PROKR2: variants seen among roughly 807,000 people sequenced by gnomAD.
The protein encoded by PROKR2 is prokineticin receptor 2.
Under a neutral mutation model 23.4 loss-of-function variants are expected in PROKR2, and 26 were observed. The ratio of observed to expected loss-of-function variants is 1.11; its 90% CI spans 0.81 to 1.54. The LOEUF (loss-of-function observed/expected upper bound fraction) is 1.54. PROKR2 is among the 40% of genes most tolerant of loss of function. The pLI, the probability that PROKR2 is intolerant of heterozygous loss-of-function variation, is 0.00. For synonymous variants in PROKR2, 212 were observed against 201.2 expected, an observed-to-expected ratio of 1.05 and a Z score of -0.45; for missense variants, 453 against 511.5, an observed-to-expected ratio of 0.89 and a Z score of 1.10.
At chr20:5,304,972 G>C (rs1979164256) in intron 2 of PROKR2, among the ~76,000 whole-genome samples, 1 of 152,126 alleles carries the variant, frequency 6.6e-6, no homozygotes, top group African/African-American at 2.4e-5. Context: ...AGTGGATAAA[G>C]GAAATACTCT....
rs755562438 is a variant in PROKR2, at chr20:5,302,191, G to T, written c.1004C>A (p.Thr335Lys). 6.2e-7 allele frequency: 1 copy of T among 1,614,194 alleles called. No individual in the cohort carries two copies. Among genetic ancestry groups the T allele is most frequent in the South Asian group, 1.1e-5 (1 of 91,084 alleles). The change falls in exon 3 of 3, where the codon ACG (threonine) becomes AAG (lysine). Residue 335 changes from threonine (T) to lysine (K), a missense_variant. Thr to Lys is a moderately conservative substitution (Grantham distance 78). Coordinates refer to ENST00000678254, the MANE Select transcript of PROKR2 (RefSeq NM_144773.4). ...GTACTTCATGGTGTTGTTCTTGACCGTCACGAAGCACACGGTGTTGATCAT... is the reference window on the plus strand; with the variant it reads ...GTACTTCATGGTGTTGTTCTTGACCTTCACGAAGCACACGGTGTTGATCAT... The part of the protein sequence containing the change: ...NSMINTVCFV[T>K]VKNNTMKYFK...
Position 5,302,535 on chromosome 20 carries a change from G to A in PROKR2, c.660C>T (p.Tyr220=). 1.2e-6 allele frequency: 2 copies of A among 1,614,250 alleles called. No individual in the cohort carries two copies. The highest frequency in any genetic ancestry group is 8.5e-7 in the Non-Finnish European group (1 of 1,180,046). Residue 220 remains tyrosine, a synonymous_variant, in exon 3 of 3, where the codon TAC becomes TAT. Transcript: ENST00000678254. ...CAAAGATGAAGAGGAAGTAGGACTT[G>A]TAGTAGAGCTGCTGATCCACAGGCC... ...QIWPVDQQLY[Y]KSYFLFIFGV... is the part of the protein sequence containing the mutation.
At position 5,316,527 on chromosome 20, in the gene PROKR2, G is replaced by C. The variant is rs1979682867; in HGVS notation, c.-42C>G. The C allele has an allele frequency of 2.8e-6, 1 of 361,420 alleles. No homozygotes were observed. Among genetic ancestry groups the C allele is most frequent in the Non-Finnish European group, 5.5e-6 (1 of 180,578 alleles). 22.4% of individuals were successfully genotyped at this position (361,420 alleles called of 1,614,324 possible). The stretch of plus-strand genomic sequence containing the variant: ...GCGCCTCCTTTCTGTGCGCTCTGCT[G>C]CTCCGGAAGCCGGATCGAGAGTCAC... On this transcript the variant is annotated 5_prime_UTR_variant, in exon 1 of 3. Transcript: ENST00000678254. This position sits in a 1 kb window ranked among gnomAD's most constrained non-coding sequence, Gnocchi z 5.0.
At chr20:5,314,634 C>A (rs148447056) in intron 1 of PROKR2, among the ~76,000 whole-genome samples, 1 of 152,216 alleles carries the variant, frequency 6.6e-6, no homozygotes, top group Non-Finnish European at 1.5e-5. Context: ...GAGAGGAGAC[C>A]TGAGATCTGT....
rs769696958 is a variant in PROKR2 at position 5,314,060 on chromosome 20, T to C, written c.310A>G (p.Ile104Val). ...TCCATCTCGAAGGGGCAGCAGATGA[T>C]GGCCACCAGGAAGTCGGAGATGGCC... The part of the protein sequence containing the change: ...NLAISDFLVA[I>V]ICCPFEMDYY... The change falls in exon 2 of 3, where the codon ATC (isoleucine) becomes GTC (valine). Residue 104 changes from isoleucine to valine, a missense_variant. Physicochemically the swap from Ile to Val is conservative, Grantham distance 29. Coordinates refer to ENST00000678254, the MANE Select transcript of PROKR2 (RefSeq NM_144773.4). 6.2e-7 allele frequency: 1 copy of C among 1,614,184 alleles called. No individual in the cohort carries two copies. Among genetic ancestry groups the C allele is most frequent in the Admixed American group, 1.7e-5 (1 of 60,026 alleles).
chr20:5,316,091 G>T lies in PROKR2; in HGVS notation c.-9+403C>A, dbSNP rs140035160. The stretch of plus-strand genomic sequence containing the variant: ...AGAAGCAAAGGCTGCGGTGCCTCCT[G>T]GCTGGAAGAAAACGGCGGGTGGGTG... On this transcript the variant is annotated intron_variant, in intron 1 of 2. Transcript: ENST00000678254. The surrounding 1 kb of genome is among the most constrained non-coding windows in gnomAD (Gnocchi z 5.0). 2.9e-3 allele frequency: 1,337 copies of T among 456,734 alleles called. 8 individuals carry two copies. Among genetic ancestry groups the T allele is most frequent in the Non-Finnish European group, 4.8e-3 (1,085 of 226,968 alleles). 28.3% of individuals were successfully genotyped at this position (456,734 alleles called of 1,614,324 possible).
At chr20:5,303,878 A>T (rs1979109360) in intron 2 of PROKR2, among the ~76,000 whole-genome samples, 9 of 152,158 alleles carry the variant, frequency 5.9e-5, no homozygotes. Context: ...CTGGCCATAA[A>T]CTGGCGTCAG....
chr20:5,311,833 A>T (rs6053293), intron 2 of PROKR2, among the ~76,000 whole-genome samples: 1,953 of 152,290 alleles, frequency 0.013, 46 homozygotes, highest in African/African-American at 0.044. Context: ...TTGGACTTCA[A>T]GTTCTTCAGT....
chr20:5,305,588 A>G (rs1276406317), intron 2 of PROKR2, among the ~76,000 whole-genome samples: 1 of 152,232 alleles, frequency 6.6e-6, no homozygotes, highest in Admixed American at 6.5e-5. Context: ...AATTAAATGA[A>G]CAGGAGGATT....
In PROKR2 at chr20:5,301,030, AT is replaced by A. The variant is rs201374311; in HGVS notation, c.*1009del. On this transcript the variant is annotated 3_prime_UTR_variant, in exon 3 of 3. Coordinates refer to ENST00000678254, the MANE Select transcript of PROKR2 (RefSeq NM_144773.4). ...ACATAAGGCTGGGCTGACTATAAGA[AT>A]TTTTTTTTTCTTGAAGCCAAAATCC... is the stretch of plus-strand genomic sequence containing the variant. Among the ~76,000 whole-genome samples, 8 of 150,918 alleles carry A rather than the reference AT, an allele frequency of 5.3e-5. No homozygotes were observed. The highest frequency in any genetic ancestry group is 7.3e-5 in the African/African-American group (3 of 41,072).
Position 5,301,160 on chromosome 20 carries a change from C to T in PROKR2, c.*880G>A, listed in dbSNP as rs1235304272. On this transcript the variant is annotated 3_prime_UTR_variant, in exon 3 of 3. Coordinates refer to ENST00000678254, the MANE Select transcript of PROKR2 (RefSeq NM_144773.4). The stretch of plus-strand genomic sequence containing the variant: ...GTAAACCACGCACTGACAAACTTAT[C>T]GTTACATTTCCATTGTGTCTAAGAG... Among the ~76,000 whole-genome samples, 1 of 152,124 alleles carries T rather than the reference C, an allele frequency of 6.6e-6. No homozygotes were observed. The highest frequency in any genetic ancestry group is 6.5e-5 in the Admixed American group (1 of 15,274).
rs769594711 is a variant in PROKR2, at chr20:5,302,141, A to T, written c.1054T>A (p.Trp352Arg). The change falls in exon 3 of 3, where the codon TGG becomes AGG. Residue 352 changes from tryptophan to arginine, a missense_variant. By Grantham distance (101) the Trp-to-Arg change is moderately radical. Coordinates refer to ENST00000678254, the MANE Select transcript of PROKR2 (RefSeq NM_144773.4). ...KYFKKMMLLH[W>R]RPSQRGSKSS... The stretch of plus-strand genomic sequence containing the variant: ...TTGCTCCCCCGCTGGGAGGGACGCC[A>T]GTGCAGCAGCATCATCTTCTTGAAG... The T allele has an allele frequency of 6.2e-7, 1 of 1,614,242 alleles. No individual in the cohort carries two copies. The highest frequency in any genetic ancestry group is 2.2e-5 in the East Asian group (1 of 44,890).
chr20:5,304,204 G>T (rs902479440), intron 2 of PROKR2, among the ~76,000 whole-genome samples: 5 of 152,152 alleles, frequency 3.3e-5, no homozygotes, highest in African/African-American at 1.2e-4. Flanking sequence ...CAGGAATTCA[G>T]CAACCTAGAT....
At position 5,299,476 on chromosome 20, in the gene PROKR2, T is replaced by C. The variant is rs1452471160; in HGVS notation, c.*2564A>G. ...AATAAATAAAAATACAATTATTATA[T>C]TTATAGAAATGTACATAACCTAAAA... On this transcript the variant is annotated 3_prime_UTR_variant, in exon 3 of 3. Transcript: ENST00000678254. Among the ~76,000 whole-genome samples, 1 of 151,546 alleles carries C rather than the reference T, an allele frequency of 6.6e-6. No individual in the cohort carries two copies. The highest frequency in any genetic ancestry group is 1.5e-5 in the Non-Finnish European group (1 of 67,924).
At chr20:5,310,015 T>C (rs1400010299) in intron 2 of PROKR2, among the ~76,000 whole-genome samples, 2 of 152,222 alleles carry the variant, frequency 1.3e-5, no homozygotes, top group East Asian at 3.9e-4. Flanking sequence ...AACTGTGTAC[T>C]TGGATAAATC....
At chr20:5,307,095 C>T (rs1020532407) in intron 2 of PROKR2, among the ~76,000 whole-genome samples, 7 of 151,678 alleles carry the variant, frequency 4.6e-5, no homozygotes, top group Admixed American at 2.0e-4. Context: ...AGGAGGATCC[C>T]GAGGACCCCC....
intron 2 of PROKR2, among the ~76,000 whole-genome samples, chr20:5,303,435 T>G (rs971747456): frequency 4.6e-5 from 7 of 152,190 alleles, no homozygotes; most frequent in Admixed American, 4.6e-4. Flanking sequence ...GCTCACATCA[T>G]GCAGGGACCA....
intron 2 of PROKR2, among the ~76,000 whole-genome samples, chr20:5,310,560 A>G (rs1198077992): frequency 2.0e-5 from 2 of 99,034 alleles, no homozygotes; most frequent in African/African-American, 8.7e-5. Flanking sequence ...ATTTTTTTCA[A>G]TTAGTTTAGA....
At chr20:5,313,854 A>C (rs1979536114) in intron 2 of PROKR2, 58 bp downstream of exon 2, 3 of 1,425,094 alleles carry the variant, frequency 2.1e-6, no homozygotes, top group Non-Finnish European at 3.0e-6. Flanking sequence ...TCAGAGCCTA[A>C]ATGAGGAAAG....
Sources: allele counts gnomAD v4.1 joint callset (sites outside exome capture counted in the v4.1 genomes callset), GRCh38; gene constraint gnomAD v4.1.1; non-coding constraint Gnocchi (gnomAD v3.1); transcripts MANE v1.5; gene names NCBI Gene and HGNC (gene_info 2026-07-23, HGNC 2026-07-21).